Variants in NCOA2 observed in about 807,000 individuals in gnomAD.
NCOA2 encodes class E basic helix-loop-helix protein 75.
In NCOA2, 21 loss-of-function variants were observed where a neutral mutation model predicts 145.1. That is an observed-to-expected ratio of 0.14 (90% CI 0.10 to 0.21). The LOEUF is 0.21. NCOA2 is among the 10% of genes least tolerant of loss of function. The pLI, the probability that NCOA2 is intolerant of heterozygous loss-of-function variation, is 1.00. For missense variants in NCOA2, 1,472 were observed against 1,837.6 expected, an observed-to-expected ratio of 0.80 and a Z score of 3.64; for synonymous variants, 619 against 637.5, an observed-to-expected ratio of 0.97 and a Z score of 0.44.
chr8:70,167,326 A>ACC (rs1481779608), intron 6 of NCOA2, among the ~76,000 whole-genome samples: 4 of 152,102 alleles, frequency 2.6e-5, no homozygotes, highest in African/African-American at 9.7e-5. Context: ...ATCTAACGGG[A>ACC]TCTTCCACAT....
Position 70,128,653 on chromosome 8 carries a change from G to A in NCOA2, c.3603+49C>T, listed in dbSNP as rs367904303. 60 of 1,602,342 alleles carry A rather than the reference G, an allele frequency of 3.7e-5. No homozygotes were observed. In the African/African-American group the frequency reaches 7.5e-4, roughly 20 times the overall value. ...TGCTGTCTCACATCATCTTCCCCAT[G>A]TCCTCCACCCAGCACCCCTGACTTC... On this transcript the variant is annotated intron_variant, in intron 17 of 22. Coordinates refer to ENST00000452400, the MANE Select transcript of NCOA2 (RefSeq NM_006540.4).
chr8:70,137,587 G>T (rs1321696507), intron 15 of NCOA2, among the ~76,000 whole-genome samples: 2 of 152,178 alleles, frequency 1.3e-5, no homozygotes, highest in African/African-American at 4.8e-5. Context: ...CATGAAACAA[G>T]AATCAAAGAA....
rs1036219688 is a variant in NCOA2, at chr8:70,170,356, T to C, written c.387A>G (p.Val129=). ...MLEALDGFFF[V]VNLEGNVVFV... ...ACACAACGTTGCCTTCCAGGTTCAC[T>C]ACAAAGAAGAACCCATCAAGGGCCT... Residue 129 remains valine (V), a synonymous_variant, in exon 6 of 23, where the codon GTA becomes GTG. Coordinates refer to ENST00000452400, the MANE Select transcript of NCOA2 (RefSeq NM_006540.4). The C allele has an allele frequency of 5.0e-6, 8 of 1,596,688 alleles. No homozygotes were observed. In the Admixed American group the frequency reaches 5.2e-5, roughly 10 times the overall value.
chr8:70,266,593 T>C (rs1421995077), intron 2 of NCOA2, among the ~76,000 whole-genome samples: 1 of 152,198 alleles, frequency 6.6e-6, no homozygotes, highest in Non-Finnish European at 1.5e-5. Flanking sequence ...TTGGTCATCC[T>C]GTGTCTCCTG....
Position 70,148,383 on chromosome 8 carries a change from C to A in NCOA2, c.2495G>T (p.Gly832Val). ...FPDTRPGAPA[G>V]SVDKQAIIND... ...GATGATGGCTTGCTTGTCAACTGAT[C>A]CAGCAGGGGCGCCTGGCCTCGTGTC... is the stretch of plus-strand genomic sequence containing the variant. Residue 832 changes from glycine (G) to valine (V), a missense_variant, in exon 12 of 23, where the codon GGA (glycine) becomes GTA (valine). Around this residue, in one of 4 missense-constraint regions of NCOA2, gnomAD observed 953 missense variants for 1,062.1 expected, o/e 0.90. Coordinates refer to ENST00000452400, the MANE Select transcript of NCOA2 (RefSeq NM_006540.4). 6.2e-7 allele frequency: 1 copy of A among 1,613,950 alleles called. No individual in the cohort carries two copies. The highest frequency in any genetic ancestry group is 8.5e-7 in the Non-Finnish European group (1 of 1,179,878).
intron 1 of NCOA2, among the ~76,000 whole-genome samples, chr8:70,314,483 C>G (rs997143665): frequency 2.6e-5 from 4 of 152,066 alleles, no homozygotes; most frequent in Non-Finnish European, 5.9e-5. Context: ...ACTACCATCT[C>G]CAGTGCCTAA....
intron 4 of NCOA2, among the ~76,000 whole-genome samples, chr8:70,202,560 G>A (rs62530460): frequency 0.64 from 97,578 of 152,004 alleles, 33,181 homozygotes; most frequent in Non-Finnish European, 0.76. Flanking sequence ...TGAACCTTGA[G>A]GACATTAAGC....
intron 21 of NCOA2, among the ~76,000 whole-genome samples, chr8:70,122,368 A>T (rs1807918700): frequency 6.6e-6 from 1 of 152,024 alleles, no homozygotes; most frequent in South Asian, 2.1e-4. Context: ...TCCAGCCTCA[A>T]TTTCCCAAGT....
intron 11 of NCOA2, among the ~76,000 whole-genome samples, chr8:70,153,897 T>C (rs1397435215): frequency 6.6e-6 from 1 of 152,206 alleles, no homozygotes; most frequent in Non-Finnish European, 1.5e-5. Flanking sequence ...ATAATTTGGC[T>C]CCGCTTCCCT....
intron 2 of NCOA2, among the ~76,000 whole-genome samples, chr8:70,250,367 T>C (rs1462093835): frequency 8.3e-6 from 1 of 121,204 alleles, no homozygotes; most frequent in Non-Finnish European, 1.6e-5. Context: ...CACTCCAGCC[T>C]GGTTGACAGA....
intron 2 of NCOA2, among the ~76,000 whole-genome samples, chr8:70,240,073 C>T (rs543819463): frequency 6.6e-6 from 1 of 152,268 alleles, no homozygotes; most frequent in Admixed American, 6.5e-5. Context: ...TGGCCCTCTA[C>T]CCCTTTCCAA....
At chr8:70,403,961 C>T (rs1814633027), upstream of NCOA2, among the ~76,000 whole-genome samples, 1 of 152,168 alleles carries the variant, frequency 6.6e-6, no homozygotes, top group Non-Finnish European at 1.5e-5. Flanking sequence ...GTCCCTCCCT[C>T]TGCCTCCCCG....
chr8:70,276,325 G>C (rs967882796), intron 2 of NCOA2, among the ~76,000 whole-genome samples: 2 of 152,014 alleles, frequency 1.3e-5, no homozygotes, highest in African/African-American at 4.8e-5. Flanking sequence ...TGCTCTTAGG[G>C]GGAAAAAAAG....
chr8:70,260,092 C>T (rs1823988300), intron 2 of NCOA2, among the ~76,000 whole-genome samples: 1 of 152,160 alleles, frequency 6.6e-6, no homozygotes, highest in African/African-American at 2.4e-5. Flanking sequence ...AAAGTTAAAG[C>T]AAAATCAAAT....
intron 1 of NCOA2, among the ~76,000 whole-genome samples, chr8:70,387,298 T>C (rs2131552594): frequency 6.6e-6 from 1 of 152,300 alleles, no homozygotes; most frequent in East Asian, 1.9e-4. Flanking sequence ...CCTGAGTAGC[T>C]GGGGCTTTGG....
At chr8:70,403,877 T>TCCG (rs941553071), upstream of NCOA2, 1 of 378,024 alleles carries the variant, frequency 2.6e-6, no homozygotes, top group Non-Finnish European at 4.7e-6. Context: ...CTCCTCCTCC[T>TCCG]CCGCGTCTCC....
chr8:70,385,764 A>G (rs1296972353), intron 1 of NCOA2, among the ~76,000 whole-genome samples: 1 of 152,232 alleles, frequency 6.6e-6, no homozygotes, highest in Admixed American at 6.5e-5. Context: ...ACATATTCCA[A>G]TAGAATGTTC....
intron 2 of NCOA2, among the ~76,000 whole-genome samples, chr8:70,267,027 A>G (rs370368492): frequency 1.3e-5 from 2 of 152,240 alleles, no homozygotes; most frequent in South Asian, 4.1e-4. Flanking sequence ...CAAAATAATC[A>G]ATGCCTATCC....
intron 2 of NCOA2, among the ~76,000 whole-genome samples, chr8:70,239,140 T>C (rs1022283196): frequency 4.6e-5 from 7 of 152,178 alleles, no homozygotes; most frequent in Non-Finnish European, 8.8e-5. Context: ...TGTTCCAGAA[T>C]ATAATTTCAA....
Sources: gnomAD v4.1 joint callset for allele counts (sites outside exome capture counted in the v4.1 genomes callset) on GRCh38, gnomAD v4.1.1 for gene constraint, gnomAD v4.1.1 regional missense constraint, MANE v1.5 for transcripts, NCBI Gene and HGNC (gene_info 2026-07-23, HGNC 2026-07-21) for gene names.